Variants in CHST9 observed in about 807,000 individuals in gnomAD.
The protein encoded by CHST9 is carbohydrate sulfotransferase 9, also known as GalNAc-4-sulfotransferase 2.
Under a neutral mutation model 44.4 loss-of-function variants are expected in CHST9, and 41 were observed. The ratio of observed to expected loss-of-function variants is 0.92; its 90% confidence interval spans 0.72 to 1.20. The LOEUF (loss-of-function observed/expected upper bound fraction) is 1.20, where lower values mean the gene tolerates loss of function less well. CHST9 is among the 50% of genes most tolerant of loss of function. The pLI, the probability that CHST9 is intolerant of heterozygous loss-of-function variation, is 0.00. For missense variants in CHST9, 504 were observed against 516.5 expected (o/e 0.98, Z 0.23); for synonymous variants, 171 against 178.4 (o/e 0.96, Z 0.33).
rs540420904 is a variant in CHST9, at chr18:26,969,303, C to T, written c.203-24937G>A. ...AGGCGTGAGCCACCGCGCCTGGCCA[C>T]GAATTTATGCAGTCTTATATTTTAA... On this transcript the variant is annotated intron_variant, in intron 4 of 5. Coordinates refer to ENST00000618847, the MANE Select transcript of CHST9 (RefSeq NM_031422.6). Among the ~76,000 whole-genome samples the T allele has an allele frequency of 1.4e-4, 22 of 151,814 alleles. No homozygotes were observed. In the South Asian group the frequency reaches 2.7e-3, roughly 19 times the overall value.
At chr18:26,977,554 G>A (rs2056638597) in intron 4 of CHST9, among the ~76,000 whole-genome samples, 1 of 152,132 alleles carries the variant, frequency 6.6e-6, no homozygotes, top group Non-Finnish European at 1.5e-5. Flanking sequence ...GCAGTGATGA[G>A]TTTTGAAAAT....
rs1439762384 is a variant in CHST9 at position 26,915,926 on chromosome 18, T to G, written c.*333A>C. On this transcript the variant is annotated 3_prime_UTR_variant, in exon 6 of 6. Coordinates refer to ENST00000618847, the MANE Select transcript of CHST9 (RefSeq NM_031422.6). ...ATTTCAGGATATAGACATACACTCATGCTATTTGAGATCCTTTTTTCCTAC... is the reference window on the plus strand; with the variant it reads ...ATTTCAGGATATAGACATACACTCAGGCTATTTGAGATCCTTTTTTCCTAC... The G allele has an allele frequency of 4.9e-6, 1 of 204,512 alleles. No individual in the cohort carries two copies. Among genetic ancestry groups the G allele is most frequent in the African/African-American group, 2.4e-5 (1 of 42,436 alleles). 12.7% of individuals were successfully genotyped at this position (204,512 alleles called of 1,614,324 possible). A position where few individuals can be genotyped will look rare whatever the true frequency, so the allele number is the denominator to read the frequency against.
chr18:27,033,484 G>A (rs1164916672), intron 3 of CHST9, among the ~76,000 whole-genome samples: 1 of 152,150 alleles, frequency 6.6e-6, no homozygotes, highest in Admixed American at 6.5e-5. Context: ...CCTAGTTGCA[G>A]GTCCTGGCTG....
intron 2 of CHST9, among the ~76,000 whole-genome samples, chr18:27,107,991 A>G (rs2058236716): frequency 1.3e-5 from 2 of 152,076 alleles, no homozygotes; most frequent in Non-Finnish European, 2.9e-5. Flanking sequence ...TTCCCAGTCT[A>G]CTTGTCCAGT....
intron 3 of CHST9, among the ~76,000 whole-genome samples, chr18:27,043,896 G>A (rs1386760626): frequency 6.6e-6 from 1 of 151,966 alleles, no homozygotes; most frequent in Non-Finnish European, 1.5e-5. Context: ...CCCACCTCTT[G>A]TTTATGACTC....
At chr18:27,131,169 A>G (rs1259421461) in intron 2 of CHST9, among the ~76,000 whole-genome samples, 1 of 152,214 alleles carries the variant, frequency 6.6e-6, no homozygotes, top group South Asian at 2.1e-4. Context: ...ATTTGTTAAT[A>G]TCTCTGTAAA....
chr18:27,183,062 T>C (rs1344915944), intron 1 of CHST9, among the ~76,000 whole-genome samples: 1 of 148,372 alleles, frequency 6.7e-6, no homozygotes, highest in Non-Finnish European at 1.5e-5. Context: ...AAGAAGGTCA[T>C]CAGGAGGGCC....
chr18:26,944,856 T>C (rs1245025058), intron 4 of CHST9, among the ~76,000 whole-genome samples: 1 of 152,234 alleles, frequency 6.6e-6, no homozygotes, highest in Non-Finnish European at 1.5e-5. Flanking sequence ...TTATACTTTG[T>C]TGTTATGGTA....
At chr18:27,094,987 C>T (rs2058103264) in intron 2 of CHST9, among the ~76,000 whole-genome samples, 1 of 152,164 alleles carries the variant, frequency 6.6e-6, no homozygotes, top group Non-Finnish European at 1.5e-5. Context: ...TTTCTACTAT[C>T]CACACTCTAT....
intron 4 of CHST9, among the ~76,000 whole-genome samples, chr18:27,022,731 G>A (rs11661776): frequency 0.38 from 57,045 of 151,942 alleles, 11,443 homozygotes; most frequent in East Asian, 0.47. Context: ...CAGTTCAAGC[G>A]TGATAACTGT....
chr18:27,021,731 C>T lies in CHST9; in HGVS notation c.202+2385G>A, dbSNP rs370962516. ...AAGACAGTAACCCAGTGGTTCCTAT[C>T]TATAGAGCACACATGGTGGATACCA... On this transcript the variant is annotated intron_variant, in intron 4 of 5. Transcript: ENST00000618847. 4.1e-4 allele frequency among the ~76,000 whole-genome samples: 62 copies of T among 152,342 alleles called. 1 individual carries two copies. The South Asian group carries it at 0.012, about 31-fold the overall frequency.
intron 1 of CHST9, among the ~76,000 whole-genome samples, chr18:27,155,336 T>C (rs1267213069): frequency 2.6e-5 from 4 of 152,194 alleles, no homozygotes; most frequent in African/African-American, 9.7e-5. Flanking sequence ...GATTGGATAC[T>C]GTTACTTCAA....
At chr18:26,956,326 A>T (rs7239366) in intron 4 of CHST9, among the ~76,000 whole-genome samples, 48,285 of 123,774 alleles carry the variant, frequency 0.39, 9,545 homozygotes, top group East Asian at 0.63. Context: ...AAAAAAAAAA[A>T]ATATATATAT....
intron 1 of CHST9, among the ~76,000 whole-genome samples, chr18:27,169,508 A>G (rs1226012307): frequency 6.6e-6 from 1 of 152,160 alleles, no homozygotes; most frequent in Non-Finnish European, 1.5e-5. Context: ...TTAGCAAGAA[A>G]ATAAGAATAT....
intron 3 of CHST9, among the ~76,000 whole-genome samples, chr18:27,047,585 G>C (rs2057519095): frequency 6.6e-6 from 1 of 152,042 alleles, no homozygotes; most frequent in East Asian, 1.9e-4. Flanking sequence ...GATTAAGATG[G>C]ATCTTTGTCT....
chr18:27,044,066 C>G (rs1003063279), intron 3 of CHST9, among the ~76,000 whole-genome samples: 1 of 151,672 alleles, frequency 6.6e-6, no homozygotes, highest in African/African-American at 2.4e-5. Flanking sequence ...CCCTTCCCCC[C>G]CCTTTATTTT....
intron 2 of CHST9, among the ~76,000 whole-genome samples, chr18:27,104,072 A>C (rs1856740795): frequency 6.6e-6 from 1 of 152,196 alleles, no homozygotes; most frequent in African/African-American, 2.4e-5. Flanking sequence ...ACTTTTAAAA[A>C]AGCCATTACC....
rs372254838 is a variant in CHST9, at chr18:27,157,884, G to A, written c.-96-14979C>T. ...ATAAATAATTAGTGATAATTTTAGT[G>A]TTATGAATATGCTGGTTAATTTTAG... On this transcript the variant is annotated intron_variant, in intron 1 of 5. Transcript: ENST00000618847. Among the ~76,000 whole-genome samples, 6 of 152,008 alleles carry A rather than the reference G, an allele frequency of 3.9e-5. No individual in the cohort carries two copies. The East Asian group carries it at 1.2e-3, about 29-fold the overall frequency.
chr18:27,011,016 T>C (rs559201847), intron 4 of CHST9, among the ~76,000 whole-genome samples: 3 of 152,184 alleles, frequency 2.0e-5, no homozygotes, highest in Admixed American at 6.5e-5. Context: ...TATTCAGATA[T>C]TGTAAAGGCT....
Sources: allele counts gnomAD v4.1 joint callset (sites outside exome capture counted in the v4.1 genomes callset), GRCh38; gene constraint gnomAD v4.1.1; transcripts MANE v1.5; gene names NCBI Gene and HGNC (gene_info 2026-07-23, HGNC 2026-07-21).